The following ASPA variants were observed in gnomAD, a reference collection of about 807,000 sequenced individuals.
ASPA encodes ACY-2.
ASPA carries 25 observed loss-of-function variants against 29.6 expected under a neutral mutation model. The ratio of observed to expected loss-of-function variants is 0.85; its 90% CI spans 0.62 to 1.18. ASPA has a LOEUF of 1.18. Among genes scored for constraint, ASPA ranks in the 50% most tolerant of loss-of-function variants. The pLI, the probability that ASPA is intolerant of heterozygous loss-of-function variation, is 0.00. For synonymous variants in ASPA, 131 were observed against 130.3 expected, an observed-to-expected ratio of 1.01 and a Z score of -0.04; for missense variants, 333 against 385.7, an observed-to-expected ratio of 0.86 and a Z score of 1.14.
At chr17:3,480,173 T>C (rs548969444) in intron 1 of ASPA, among the ~76,000 whole-genome samples, 2 of 152,328 alleles carry the variant, frequency 1.3e-5, no homozygotes, top group East Asian at 3.9e-4. Flanking sequence ...GGCAGGAGGA[T>C]TGCCTGAGGC....
In ASPA at chr17:3,490,537, G is replaced by GC; in HGVS notation, c.634+1195_634+1196insC. Among the ~76,000 whole-genome samples the GC allele has an allele frequency of 6.6e-6, 1 of 152,024 alleles. No individual in the cohort carries two copies. Among genetic ancestry groups the GC allele is most frequent in the Non-Finnish European group, 1.5e-5 (1 of 67,956 alleles). On this transcript the variant is annotated intron_variant, in intron 4 of 5. Transcript: ENST00000263080. The surrounding 1 kb of genome is among the most constrained non-coding windows in gnomAD (Gnocchi z 4.6). ...GGAGTGAATTCCTCAACCTCAGATCGTGCGCACCCCACTGCAATCACAGAC... is the reference window on the plus strand; with the variant it reads ...GGAGTGAATTCCTCAACCTCAGATCGCTGCGCACCCCACTGCAATCACAGAC...
chr17:3,476,727 G>C (rs1313826694), intron 1 of ASPA, among the ~76,000 whole-genome samples: 1 of 152,164 alleles, frequency 6.6e-6, no homozygotes, highest in African/African-American at 2.4e-5. Flanking sequence ...CCTTTGCATT[G>C]AGTTAGTGTT....
At chr17:3,479,372 T>C (rs569583116) in intron 1 of ASPA, among the ~76,000 whole-genome samples, 1 of 152,360 alleles carries the variant, frequency 6.6e-6, no homozygotes, top group African/African-American at 2.4e-5. Flanking sequence ...CAGGGGGTTA[T>C]TTCATGAATT....
chr17:3,496,820 G>A (rs374816318), intron 5 of ASPA, among the ~76,000 whole-genome samples: 22 of 152,116 alleles, frequency 1.4e-4, no homozygotes, highest in African/African-American at 3.1e-4. Flanking sequence ...TAATCCCAGC[G>A]CTTTGGGAGG....
At chr17:3,486,631 A>G (rs1166437419) in intron 3 of ASPA, among the ~76,000 whole-genome samples, 3 of 152,202 alleles carry the variant, frequency 2.0e-5, no homozygotes, top group Non-Finnish European at 4.4e-5. Context: ...TAGCATAATT[A>G]ATTATCTGCA....
At position 3,485,627 on chromosome 17, in the gene ASPA, T is replaced by C. The variant is rs73309192; in HGVS notation, c.526+2035T>C. Among the ~76,000 whole-genome samples, 1,106 of 152,334 alleles carry C rather than the reference T, an allele frequency of 7.3e-3. 13 individuals are homozygous for C. Among genetic ancestry groups the C allele is most frequent in the African/African-American group, 0.025 (1,023 of 41,576 alleles). On this transcript the variant is annotated intron_variant, in intron 3 of 5. Coordinates refer to ENST00000263080, the MANE Select transcript of ASPA (RefSeq NM_000049.4). This position sits in a 1 kb window ranked among gnomAD's most constrained non-coding sequence, Gnocchi z 4.4. ...ATCAGAAAGGCAAGGGATCTGTTTC[T>C]CCAAAGTGCTTGTGCTACCAGTGAC...
Position 3,487,401 on chromosome 17 carries a change from C to T in ASPA, c.527-1834C>T, listed in dbSNP as rs1325881935. Reference sequence around the variant, plus strand: ...ATTATTTACAATGAGCTTAATACTCCCTCATATTGAAATATTTTAAAGATT... The same window carrying T: ...ATTATTTACAATGAGCTTAATACTCTCTCATATTGAAATATTTTAAAGATT... On this transcript the variant is annotated intron_variant, in intron 3 of 5. Transcript: ENST00000263080. Among the ~76,000 whole-genome samples, 9 of 152,164 alleles carry T rather than the reference C, an allele frequency of 5.9e-5. No individual in the cohort carries two copies. The East Asian group carries it at 1.7e-3, about 29-fold the overall frequency.
At chr17:3,491,726 T>C (rs1450930252) in intron 4 of ASPA, among the ~76,000 whole-genome samples, 6 of 151,722 alleles carry the variant, frequency 4.0e-5, no homozygotes, top group Admixed American at 1.3e-4. Flanking sequence ...CCAGCCTCGG[T>C]GACAGAGTGA....
At chr17:3,497,479 T>C (rs1265299585) in intron 5 of ASPA, among the ~76,000 whole-genome samples, 2 of 152,196 alleles carry the variant, frequency 1.3e-5, no homozygotes, top group African/African-American at 4.8e-5. Context: ...TCAGAACTCA[T>C]AGAACTGCAC....
rs906402003 is a variant in ASPA at position 3,501,604 on chromosome 17, G to A, written c.*2516G>A. ...AATGACAAAGGATTTAGAATATTAC[G>A]TAAACATAGTTGATAAAGCAGCAGC... On this transcript the variant is annotated 3_prime_UTR_variant, in exon 6 of 6. Coordinates refer to ENST00000263080, the MANE Select transcript of ASPA (RefSeq NM_000049.4). 14 of 164,700 alleles carry A rather than the reference G, an allele frequency of 8.5e-5. No homozygotes were observed. The highest frequency in any genetic ancestry group is 2.9e-3 in the Middle Eastern group (1 of 340). 10.2% of individuals were successfully genotyped at this position (164,700 alleles called of 1,614,324 possible). A position where few individuals can be genotyped will look rare whatever the true frequency, so the allele number is the denominator to read the frequency against.
chr17:3,496,890 C>G (rs1443985062), intron 5 of ASPA, among the ~76,000 whole-genome samples: 1 of 152,062 alleles, frequency 6.6e-6, no homozygotes, highest in Non-Finnish European at 1.5e-5. Flanking sequence ...CACGGTGAAA[C>G]CCCATCTCTA....
intron 5 of ASPA, among the ~76,000 whole-genome samples, chr17:3,495,546 GTTTGTTTTTGTTTTTGTT>G (rs149605858): frequency 6.6e-6 from 1 of 151,044 alleles, no homozygotes; most frequent in African/African-American, 2.4e-5. Context: ...CTTAGGCAGT[GTTTGTTTTTGTTTTTGTT>G]TTTGTTTTTG....
At chr17:3,479,591 AC>A (rs2073592303) in intron 1 of ASPA, among the ~76,000 whole-genome samples, 1 of 151,790 alleles carries the variant, frequency 6.6e-6, no homozygotes, top group African/African-American at 2.4e-5. Context: ...GGCCCCTTCC[AC>A]CTTCCCACTG....
intron 1 of ASPA, among the ~76,000 whole-genome samples, chr17:3,478,368 T>G (rs369148109): frequency 1.3e-5 from 2 of 152,322 alleles, no homozygotes; most frequent in African/African-American, 2.4e-5. Flanking sequence ...TAGATGTTTT[T>G]CAGGGCAATT....
intron 4 of ASPA, 83 bp from the exon 5 acceptor site, chr17:3,494,267 G>T: frequency 9.4e-7 from 1 of 1,068,670 alleles, no homozygotes; most frequent in Non-Finnish European, 1.4e-6. Context: ...GCCTCCCAAA[G>T]TGCTGGGATG....
At position 3,481,614 on chromosome 17, in the gene ASPA, C is replaced by G; in HGVS notation, c.248C>G (p.Ser83Ter). Residue 83 changes from serine (S) to a stop codon, truncating the protein, a stop_gained, in exon 2 of 6, where the codon TCA (serine) becomes TGA (stop). Coordinates refer to ENST00000263080, the MANE Select transcript of ASPA (RefSeq NM_000049.4). LOFTEE classifies it high-confidence loss of function. Reference protein sequence around the residue: ...FDLENLGKKMSEDLPYEVRRA... With the variant: ...FDLENLGKKM ...TCTGCTTATAACAGCAAAAAAATGT[C>G]AGAAGATTTGCCATATGAAGTGAGA... The G allele has an allele frequency of 6.2e-7, 1 of 1,613,382 alleles. No homozygotes were observed. The highest frequency in any genetic ancestry group is 8.5e-7 in the Non-Finnish European group (1 of 1,179,786).
At chr17:3,487,323 A>T (rs1007511180) in intron 3 of ASPA, among the ~76,000 whole-genome samples, 15 of 152,214 alleles carry the variant, frequency 9.9e-5, no homozygotes, top group African/African-American at 3.6e-4. Context: ...TGCATGATAT[A>T]AAATATTCCA....
upstream of ASPA, among the ~76,000 whole-genome samples, chr17:3,474,999 C>A (rs550127047): frequency 6.6e-6 from 1 of 152,114 alleles, no homozygotes; most frequent in South Asian, 2.1e-4. Context: ...CCCACCCTAT[C>A]GTATAAAATT....
intron 1 of ASPA, among the ~76,000 whole-genome samples, chr17:3,479,752 T>G (rs77803303): frequency 0.011 from 1,657 of 152,266 alleles, 30 homozygotes; most frequent in African/African-American, 0.037. Flanking sequence ...CTTCCTGATC[T>G]CATTCCAGGC....
Sources: gnomAD v4.1 joint callset for allele counts (sites outside exome capture counted in the v4.1 genomes callset) on GRCh38, gnomAD v4.1.1 for gene constraint, Gnocchi (gnomAD v3.1) non-coding constraint, MANE v1.5 for transcripts, NCBI Gene and HGNC (gene_info 2026-07-23, HGNC 2026-07-21) for gene names.